MON2: variants seen among roughly 807,000 people sequenced by gnomAD.
The protein encoded by MON2 is protein MON2 homolog.
Under a neutral mutation model 208.6 loss-of-function variants are expected in MON2, and 84 were observed. The observed-to-expected ratio is 0.40, with a 90% CI of 0.34 to 0.48. The LOEUF (loss-of-function observed/expected upper bound fraction) is 0.48, where lower values mean the gene tolerates loss of function less well. Ranked by LOEUF, MON2 falls within the 20% of genes least tolerant of loss-of-function variation. MON2 has a pLI of 0.59. For missense variants in MON2, 1,611 were observed against 2,015.4 expected (o/e 0.80, Z 3.84); for synonymous variants, 660 against 694.0 (o/e 0.95, Z 0.77).
intron 34 of MON2, among the ~76,000 whole-genome samples, chr12:62,589,844 A>G (rs58771103): frequency 0.046 from 7,056 of 152,224 alleles, 194 homozygotes; most frequent in Middle Eastern, 0.075. Context: ...GGTTATATGT[A>G]TAAGGCAGTG....
At chr12:62,553,777 TAA>T (rs934629185) in intron 24 of MON2, among the ~76,000 whole-genome samples, 1 of 152,218 alleles carries the variant, frequency 6.6e-6, no homozygotes, top group African/African-American at 2.4e-5. Context: ...CCCTCTTTGC[TAA>T]AAGTCTCATC....
intron 22 of MON2, among the ~76,000 whole-genome samples, chr12:62,547,766 C>T (rs748380227): frequency 3.3e-5 from 5 of 152,120 alleles, no homozygotes; most frequent in Non-Finnish European, 7.4e-5. Context: ...TGTTTCGGTA[C>T]ATAAATACTT....
At chr12:62,567,357 C>T (rs1008527985) in intron 29 of MON2, among the ~76,000 whole-genome samples, 1 of 152,204 alleles carries the variant, frequency 6.6e-6, no homozygotes, top group African/African-American at 2.4e-5. Context: ...ACTTACTACT[C>T]AAATTGTCAT....
intron 30 of MON2, among the ~76,000 whole-genome samples, chr12:62,572,301 G>A (rs959635119): frequency 2.0e-5 from 3 of 152,212 alleles, no homozygotes; most frequent in African/African-American, 7.2e-5. Context: ...CAGATTATTG[G>A]ACATTTCCAT....
At chr12:62,546,491 C>G (rs2073488029) in intron 21 of MON2, among the ~76,000 whole-genome samples, 1 of 151,962 alleles carries the variant, frequency 6.6e-6, no homozygotes, top group African/African-American at 2.4e-5. Context: ...TGGTGGCTCA[C>G]ACCTGTAATC....
At chr12:62,479,145 G>C (rs2135979133) in intron 1 of MON2, among the ~76,000 whole-genome samples, 1 of 152,208 alleles carries the variant, frequency 6.6e-6, no homozygotes, top group South Asian at 2.1e-4. Context: ...AGACAGATCA[G>C]GAACAGGAAT....
intron 7 of MON2, among the ~76,000 whole-genome samples, chr12:62,506,199 G>A (rs553591447): frequency 6.6e-6 from 1 of 152,176 alleles, no homozygotes; most frequent in South Asian, 2.1e-4. Context: ...TTTTCATTTT[G>A]GCAGTCAGAT....
intron 2 of MON2, among the ~76,000 whole-genome samples, chr12:62,485,431 G>A (rs563670366): frequency 1.9e-4 from 29 of 152,318 alleles, no homozygotes; most frequent in African/African-American, 5.5e-4. Flanking sequence ...GTCAGATTAA[G>A]GATCGGGGGC....
chr12:62,552,461 G>T (rs534189945), intron 23 of MON2, among the ~76,000 whole-genome samples: 1 of 151,920 alleles, frequency 6.6e-6, no homozygotes, highest in African/African-American at 2.4e-5. Context: ...GTAATTGCTC[G>T]TGTATGAAAT....
At chr12:62,472,929 G>GA (rs2068868341) in intron 1 of MON2, among the ~76,000 whole-genome samples, 1 of 152,086 alleles carries the variant, frequency 6.6e-6, no homozygotes, top group African/African-American at 2.4e-5. Flanking sequence ...TTTGGTGACA[G>GA]AAAAAATAAA....
At chr12:62,491,153 G>A (rs372293740) in intron 2 of MON2, among the ~76,000 whole-genome samples, 402 of 152,236 alleles carry the variant, frequency 2.6e-3, no homozygotes, top group South Asian at 6.6e-3. Context: ...TGTTTAAAGT[G>A]TCACCCTAGT....
chr12:62,543,608 TC>T (rs202103345), intron 20 of MON2, among the ~76,000 whole-genome samples: 106 of 150,634 alleles, frequency 7.0e-4, no homozygotes, highest in African/African-American at 1.5e-3. Flanking sequence ...CTTTTTTTTT[TC>T]TCTCTCTCTC....
At chr12:62,473,666 C>T in intron 1 of MON2, among the ~76,000 whole-genome samples, 1 of 152,008 alleles carries the variant, frequency 6.6e-6, no homozygotes, top group East Asian at 1.9e-4. Context: ...GTCTCCCAGG[C>T]TCAAATGATC....
chr12:62,533,091 T>C (rs1325244442), intron 12 of MON2, among the ~76,000 whole-genome samples: 1 of 152,216 alleles, frequency 6.6e-6, no homozygotes, highest in African/African-American at 2.4e-5. Flanking sequence ...TTTTTCCTTG[T>C]TTTATATGAC....
chr12:62,534,872 T>A lies in MON2; in HGVS notation c.1661T>A (p.Val554Glu). The stretch of plus-strand genomic sequence containing the variant: ...AGTAGGGCTGTTTGGGAAGAAATGG[T>A]GAATGCCTGCTGGTGTGGTCTTCTT... Reference protein sequence around the residue: ...IVSRAVWEEMVNACWCGLLAA... With the variant: ...IVSRAVWEEMENACWCGLLAA... Residue 554 changes from valine to glutamate, a missense_variant, in exon 13 of 35, where the codon GTG becomes GAG. Val to Glu is a moderately radical substitution (Grantham distance 121). Coordinates refer to ENST00000393630, the MANE Select transcript of MON2 (RefSeq NM_015026.3). 1.2e-6 allele frequency: 2 copies of A among 1,612,518 alleles called. No individual in the cohort carries two copies. The highest frequency in any genetic ancestry group is 1.7e-6 in the Non-Finnish European group (2 of 1,178,964).
At chr12:62,592,101 A>G (rs2075416234) in intron 34 of MON2, among the ~76,000 whole-genome samples, 1 of 152,228 alleles carries the variant, frequency 6.6e-6, no homozygotes, top group African/African-American at 2.4e-5. Flanking sequence ...CAAGACAAGA[A>G]TGGATCTGTT....
intron 30 of MON2, 134 bp downstream of exon 30, chr12:62,571,716 T>C: frequency 1.4e-6 from 1 of 718,638 alleles, no homozygotes; most frequent in Admixed American, 3.4e-5. Flanking sequence ...AAAACACACC[T>C]GAATTAGCCA....
At chr12:62,492,670 CGTTA>C (rs2070227288) in intron 2 of MON2, among the ~76,000 whole-genome samples, 1 of 146,830 alleles carries the variant, frequency 6.8e-6, no homozygotes, top group African/African-American at 2.5e-5. Context: ...CGCGCCCGGC[CGTTA>C]GTTCTTATAA....
chr12:62,565,158 G>A (rs1292749120), intron 26 of MON2, 79 bp from the exon 27 acceptor site: 2 of 1,392,262 alleles, frequency 1.4e-6, no homozygotes, highest in Admixed American at 2.1e-5. Context: ...AGATTCTGTG[G>A]TTAAACAAAT....
Sources: allele counts gnomAD v4.1 joint callset (sites outside exome capture counted in the v4.1 genomes callset), GRCh38; gene constraint gnomAD v4.1.1; transcripts MANE v1.5; gene names NCBI Gene and HGNC (gene_info 2026-07-23, HGNC 2026-07-21).